The following SEMA3D variants were observed in gnomAD, a reference collection of about 807,000 sequenced individuals.
SEMA3D encodes semaphorin-3D.
In SEMA3D, 84 loss-of-function variants were observed where a neutral mutation model predicts 100.1. The observed-to-expected ratio is 0.84, with a 90% CI of 0.70 to 1.01. The LOEUF (loss-of-function observed/expected upper bound fraction) is 1.01. Ranked by LOEUF, SEMA3D falls within the 50% of genes least tolerant of loss-of-function variation. SEMA3D has a pLI of 0.00. For missense variants in SEMA3D, 875 were observed against 934.1 expected (o/e 0.94, Z 0.82); for synonymous variants, 312 against 320.7 (o/e 0.97, Z 0.29).
the SEMA3D span, among the ~76,000 whole-genome samples, chr7:85,231,651 T>C: frequency 2.8e-4 from 42 of 152,054 alleles, no homozygotes; most frequent in African/African-American, 8.2e-4. Flanking sequence ...AGGGTTTCAC[T>C]GTGTTAGCCA....
intron 18 of SEMA3D, among the ~76,000 whole-genome samples, 171 bp from the exon 19 acceptor site, chr7:85,000,036 T>A (rs1034845909): frequency 6.6e-6 from 1 of 152,072 alleles, no homozygotes; most frequent in African/African-American, 2.4e-5. Context: ...AGTAAAAAAA[T>A]TCAACAAAAG....
intron 18 of SEMA3D, among the ~76,000 whole-genome samples, chr7:85,005,613 A>T (rs1789774356): frequency 6.6e-6 from 1 of 152,036 alleles, no homozygotes; most frequent in Admixed American, 6.6e-5. Flanking sequence ...ATTTCTTATG[A>T]TAAAATTTGA....
At chr7:85,160,243 A>G (rs2116515004) in intron 1 of SEMA3D, among the ~76,000 whole-genome samples, 1 of 152,258 alleles carries the variant, frequency 6.6e-6, no homozygotes, top group Admixed American at 6.5e-5. Context: ...TGATATGGTT[A>G]AGAGATGGAT....
chr7:85,146,552 T>TA (rs61168539), intron 2 of SEMA3D, among the ~76,000 whole-genome samples: 36,968 of 148,360 alleles, frequency 0.25, 4,624 homozygotes, highest in African/African-American at 0.3. Context: ...AGACTCCATC[T>TA]AAAAAAAAAT....
intron 1 of SEMA3D, among the ~76,000 whole-genome samples, chr7:85,164,483 A>T (rs1790838604): frequency 6.6e-6 from 1 of 152,142 alleles, no homozygotes; most frequent in Non-Finnish European, 1.5e-5. Flanking sequence ...AGATTCCCTT[A>T]GTCATTATAA....
At chr7:85,180,413 A>G (rs528110165) in intron 1 of SEMA3D, among the ~76,000 whole-genome samples, 1 of 152,250 alleles carries the variant, frequency 6.6e-6, no homozygotes, top group Non-Finnish European at 1.5e-5. Flanking sequence ...AAATTACTCA[A>G]TCTTGGATAT....
rs1412849295 is a variant in SEMA3D, at chr7:85,073,071, G to T, written c.386C>A (p.Ala129Glu). Residue 129 changes from alanine to glutamate, a missense_variant, in exon 6 of 19, where the codon GCA becomes GAA. By Grantham distance (107) the Ala-to-Glu change is moderately radical (BLOSUM62 -1). Coordinates refer to ENST00000284136, the MANE Select transcript of SEMA3D (RefSeq NM_001384900.1). Reference protein sequence around the residue: ...LAGKDANTECANFIRVLQPYN... With the variant: ...LAGKDANTECENFIRVLQPYN... ...GGGCTGAAGTACTCTGATGAAATTT[G>T]CACATTCTGTCTGTTGGGCACAAAA... 1 of 1,612,196 alleles carries T rather than the reference G, an allele frequency of 6.2e-7. No homozygotes were observed. Among genetic ancestry groups the T allele is most frequent in the Admixed American group, 1.7e-5 (1 of 59,632 alleles).
chr7:85,179,261 G>T (rs929651008), intron 1 of SEMA3D, among the ~76,000 whole-genome samples: 1 of 152,128 alleles, frequency 6.6e-6, no homozygotes, highest in Non-Finnish European at 1.5e-5. Context: ...CTCCAGAATG[G>T]TAGATCCACT....
At chr7:85,134,347 C>T (rs1158849446) in intron 2 of SEMA3D, among the ~76,000 whole-genome samples, 2 of 151,868 alleles carry the variant, frequency 1.3e-5, no homozygotes, top group Non-Finnish European at 2.9e-5. Context: ...AGAAAGCCAA[C>T]CTAAAGTTAT....
At chr7:85,201,471 T>A in the SEMA3D span, among the ~76,000 whole-genome samples, 1 of 152,182 alleles carries the variant, frequency 6.6e-6, no homozygotes, top group African/African-American at 2.4e-5. Context: ...AATCTTAACC[T>A]CAGCTTGGGT....
At chr7:85,170,754 A>G (rs567880877) in intron 1 of SEMA3D, among the ~76,000 whole-genome samples, 1 of 152,068 alleles carries the variant, frequency 6.6e-6, no homozygotes, top group Admixed American at 6.6e-5. Flanking sequence ...CTCTTGGGTT[A>G]TTTCATTGTT....
rs111241629 is a variant in SEMA3D, at chr7:85,165,174, C to A, written c.-172-11435G>T. Among the ~76,000 whole-genome samples the A allele has an allele frequency of 5.4e-3, 816 of 151,640 alleles. 6 individuals carry two copies. The highest frequency in any genetic ancestry group is 0.019 in the African/African-American group (787 of 41,344). ...GGCACATGTATACATGTGTAACGAA[C>A]CTGCACGTTGTGCACATGTACCCTA... On this transcript the variant is annotated intron_variant, in intron 1 of 18. Transcript: ENST00000284136.
chr7:85,034,771 C>T (rs1790645969), intron 12 of SEMA3D, among the ~76,000 whole-genome samples: 1 of 151,998 alleles, frequency 6.6e-6, no homozygotes, highest in Non-Finnish European at 1.5e-5. Context: ...GGTATCACTC[C>T]ACATCTGTCA....
intron 1 of SEMA3D, chr7:85,163,051 T>G (rs1471192430): frequency 2.4e-6 from 2 of 832,618 alleles, no homozygotes; most frequent in Non-Finnish European, 2.9e-6. Flanking sequence ...ATAAAAGAAG[T>G]ATATACATAT....
intron 3 of SEMA3D, among the ~76,000 whole-genome samples, chr7:85,117,273 GTCTGATTAC>G (rs1789269120): frequency 6.6e-6 from 1 of 152,116 alleles, no homozygotes; most frequent in African/African-American, 2.4e-5. Context: ...TGCAGCTGTC[GTCTGATTAC>G]AACTCCATTA....
At chr7:85,244,953 G>A in the SEMA3D span, among the ~76,000 whole-genome samples, 18 of 152,040 alleles carry the variant, frequency 1.2e-4, no homozygotes, top group Non-Finnish European at 2.5e-4. Flanking sequence ...CTTGTGATCT[G>A]CCCACCTTGG....
intron 8 of SEMA3D, among the ~76,000 whole-genome samples, chr7:85,062,406 A>T (rs1284950858): frequency 6.6e-6 from 1 of 152,226 alleles, no homozygotes; most frequent in Non-Finnish European, 1.5e-5. Flanking sequence ...TGGTAACCAT[A>T]GAAAGAACAA....
intron 9 of SEMA3D, among the ~76,000 whole-genome samples, chr7:85,047,460 T>C (rs754531282): frequency 6.6e-6 from 1 of 151,884 alleles, no homozygotes; most frequent in Non-Finnish European, 1.5e-5. Flanking sequence ...TTTGGGTCAC[T>C]ATGCTGGGTT....
the SEMA3D span, among the ~76,000 whole-genome samples, chr7:85,222,841 A>G: frequency 1.3e-5 from 2 of 152,136 alleles, no homozygotes; most frequent in Non-Finnish European, 2.9e-5. Context: ...GAAAATATCA[A>G]GGTCTCTTGA....
Sources: allele counts gnomAD v4.1 joint callset (sites outside exome capture counted in the v4.1 genomes callset), GRCh38; gene constraint gnomAD v4.1.1; transcripts MANE v1.5; gene names NCBI Gene and HGNC (gene_info 2026-07-23, HGNC 2026-07-21).